NCOA6: variants seen among roughly 807,000 people sequenced by gnomAD.
The protein encoded by NCOA6 is nuclear receptor coactivator 6.
Under a neutral mutation model 171.4 loss-of-function variants are expected in NCOA6, and 49 were observed. The observed-to-expected ratio is 0.29, with a 90% CI of 0.23 to 0.36. NCOA6 has a LOEUF of 0.36. Ranked by LOEUF, NCOA6 falls within the 10% of genes least tolerant of loss-of-function variation. NCOA6 has a pLI of 1.00. For missense variants in NCOA6, 2,248 were observed against 2,554.5 expected, an observed-to-expected ratio of 0.88 and a Z score of 2.59; for synonymous variants, 910 against 927.5, an observed-to-expected ratio of 0.98 and a Z score of 0.34.
At chr20:34,765,780 T>C (rs536027604) in intron 5 of NCOA6, among the ~76,000 whole-genome samples, 113 of 152,200 alleles carry the variant, frequency 7.4e-4, no homozygotes, top group African/African-American at 2.6e-3. Context: ...CAAACATCAA[T>C]AGTGTTGAAG....
At chr20:34,735,259 C>T (rs2075914403) in intron 12 of NCOA6, among the ~76,000 whole-genome samples, 1 of 152,092 alleles carries the variant, frequency 6.6e-6, no homozygotes, top group South Asian at 2.1e-4. Context: ...TGCTGTATGA[C>T]CCCTCCTTTA....
intron 3 of NCOA6, among the ~76,000 whole-genome samples, chr20:34,780,236 A>C (rs916268086): frequency 6.6e-6 from 1 of 152,246 alleles, no homozygotes; most frequent in Non-Finnish European, 1.5e-5. Flanking sequence ...ATCCATATTC[A>C]TAACAGTTAT....
At chr20:34,751,353 G>T (rs1161437359) in intron 8 of NCOA6, among the ~76,000 whole-genome samples, 1 of 89,814 alleles carries the variant, frequency 1.1e-5, no homozygotes, top group Non-Finnish European at 2.4e-5. Flanking sequence ...GTCCAGCCTG[G>T]GCGACAGAGC....
chr20:34,817,523 T>C (rs549012926), intron 1 of NCOA6, among the ~76,000 whole-genome samples: 2 of 152,268 alleles, frequency 1.3e-5, no homozygotes, highest in South Asian at 2.1e-4. Context: ...ATCAAAGCCA[T>C]AGTATTTCAT....
intron 4 of NCOA6, among the ~76,000 whole-genome samples, chr20:34,770,486 C>G (rs144764972): frequency 1.1e-4 from 17 of 152,136 alleles, no homozygotes; most frequent in African/African-American, 2.6e-4. Flanking sequence ...ATGAGGGTTT[C>G]CATTAAAGGA....
chr20:34,732,150 T>C (rs1449148518), intron 13 of NCOA6, among the ~76,000 whole-genome samples: 1 of 152,120 alleles, frequency 6.6e-6, no homozygotes, highest in Non-Finnish European at 1.5e-5. Flanking sequence ...AAAGCATAGG[T>C]TTTGGGTCAG....
intron 1 of NCOA6, among the ~76,000 whole-genome samples, chr20:34,823,260 G>A (rs2079058799): frequency 6.6e-6 from 1 of 152,170 alleles, no homozygotes; most frequent in Non-Finnish European, 1.5e-5. Context: ...GCTCACGCCT[G>A]TAATCCCAGC....
chr20:34,785,882 A>C (rs2077661448), intron 2 of NCOA6, among the ~76,000 whole-genome samples: 1 of 152,098 alleles, frequency 6.6e-6, no homozygotes, highest in South Asian at 2.1e-4. Flanking sequence ...TACTTAAAAA[A>C]AAAAAAAAAA....
At chr20:34,733,602 G>A (rs969104382) in intron 12 of NCOA6, among the ~76,000 whole-genome samples, 1 of 152,104 alleles carries the variant, frequency 6.6e-6, no homozygotes, top group African/African-American at 2.4e-5. Context: ...AGAAATTTTA[G>A]TATGGCACCT....
chr20:34,721,331 T>G (rs1989315368), intron 14 of NCOA6, among the ~76,000 whole-genome samples: 1 of 142,724 alleles, frequency 7.0e-6, no homozygotes, highest in Admixed American at 6.9e-5. Flanking sequence ...CGAGAACACA[T>G]CTACCTGCTA....
intron 7 of NCOA6, among the ~76,000 whole-genome samples, chr20:34,755,753 T>C (rs1318065784): frequency 6.6e-6 from 1 of 152,202 alleles, no homozygotes; most frequent in Non-Finnish European, 1.5e-5. Flanking sequence ...TTTTATTTTT[T>C]GAGATGGAGT....
rs551725891 is a variant in NCOA6, at chr20:34,823,017, T to C, written c.-164+2455A>G. On this transcript the variant is annotated intron_variant, in intron 1 of 14. Coordinates refer to ENST00000359003, the MANE Select transcript of NCOA6 (RefSeq NM_014071.5). ...CTTTATGCGCATCATGTCTTTGAAATTATAATTATCGGATCCATCACTAAA... is the reference window on the plus strand; with the variant it reads ...CTTTATGCGCATCATGTCTTTGAAACTATAATTATCGGATCCATCACTAAA... Among the ~76,000 whole-genome samples, 7 of 152,338 alleles carry C rather than the reference T, an allele frequency of 4.6e-5. No homozygotes were observed. In the South Asian group the frequency reaches 1.4e-3, roughly 32 times the overall value.
chr20:34,776,529 G>T, intron 3 of NCOA6, 81 bp from the exon 4 acceptor site: 1 of 1,484,102 alleles, frequency 6.7e-7, no homozygotes, highest in South Asian at 1.2e-5. Context: ...AACCAAAAGA[G>T]CAAAAGAATA....
At chr20:34,763,003 G>C (rs1018195113) in intron 5 of NCOA6, among the ~76,000 whole-genome samples, 2 of 152,178 alleles carry the variant, frequency 1.3e-5, no homozygotes, top group Admixed American at 6.5e-5. Flanking sequence ...TCTTTCCTTT[G>C]TAAATAATAC....
At chr20:34,778,266 T>C (rs1217670233) in intron 3 of NCOA6, among the ~76,000 whole-genome samples, 1 of 152,268 alleles carries the variant, frequency 6.6e-6, no homozygotes, top group Non-Finnish European at 1.5e-5. Flanking sequence ...GCTTTGAGCA[T>C]CTTACGCTAA....
In NCOA6 at chr20:34,742,288, C is replaced by T. The variant is rs1419410838; in HGVS notation, c.3968G>A (p.Arg1323Gln). The T allele has an allele frequency of 4.3e-6, 7 of 1,614,040 alleles. No individual in the cohort carries two copies. The Admixed American group carries it at 5.0e-5, about 12-fold the overall frequency. The change falls in exon 11 of 15, where the codon CGG (arginine) becomes CAG (glutamine). Residue 1323 changes from arginine to glutamine, a missense_variant. By Grantham distance (43) the Arg-to-Gln change is conservative. This residue lies in a region of NCOA6 where 884 missense variants were observed against 941.9 expected (regional missense o/e 0.94). Coordinates refer to ENST00000359003, the MANE Select transcript of NCOA6 (RefSeq NM_014071.5). ...CCTGCGACTGTTGCTTGGACTTGCC[C>T]GTTTTGTTGCTCCAGAATTAGACTG... Reference protein sequence around the residue: ...GKQSNSGATKRASPSNSRRSS... With the variant: ...GKQSNSGATKQASPSNSRRSS...
chr20:34,817,093 A>G (rs1227476303), intron 1 of NCOA6, among the ~76,000 whole-genome samples: 1 of 146,664 alleles, frequency 6.8e-6, no homozygotes, highest in Non-Finnish European at 1.5e-5. Context: ...ACTGCACTCC[A>G]GCCTGGGCAA....
Position 34,814,749 on chromosome 20 carries a change from G to A in NCOA6, c.-164+10723C>T, listed in dbSNP as rs562133198. ...TGGGATTACAGGCGCACGCCACCAC[G>A]CCAGGCTAATTTTTGTATTTTTAGG... On this transcript the variant is annotated intron_variant, in intron 1 of 14. Transcript: ENST00000359003. Among the ~76,000 whole-genome samples, 53 of 152,176 alleles carry A rather than the reference G, an allele frequency of 3.5e-4. 1 individual carries two copies. The highest frequency in any genetic ancestry group is 9.8e-4 in the Admixed American group (15 of 15,284).
In NCOA6 at chr20:34,742,766, T is replaced by C. The variant is rs1272681537; in HGVS notation, c.3490A>G (p.Thr1164Ala). ...GGCGATGGTCCAGGTTTTGGCCCTG[T>C]CATCATTAACTGATTCTGGGGAAGT... is the stretch of plus-strand genomic sequence containing the variant. ...VVLPQNQLMMTGPKPGPSPLS... is the reference protein window; with the variant it reads ...VVLPQNQLMMAGPKPGPSPLS... The change falls in exon 11 of 15, where the codon ACA becomes GCA. Residue 1164 changes from threonine (T) to alanine (A), a missense_variant. This residue lies in a region of NCOA6 where 352 missense variants were observed against 419.1 expected (regional missense o/e 0.84). Coordinates refer to ENST00000359003, the MANE Select transcript of NCOA6 (RefSeq NM_014071.5). 3 of 1,614,054 alleles carry C rather than the reference T, an allele frequency of 1.9e-6. No homozygotes were observed. The highest frequency in any genetic ancestry group is 2.5e-6 in the Non-Finnish European group (3 of 1,180,038).
Sources: gnomAD v4.1 joint callset for allele counts (sites outside exome capture counted in the v4.1 genomes callset) on GRCh38, gnomAD v4.1.1 for gene constraint, gnomAD v4.1.1 regional missense constraint, MANE v1.5 for transcripts, NCBI Gene and HGNC (gene_info 2026-07-23, HGNC 2026-07-21) for gene names.